ABCC11: variants seen among roughly 807,000 people sequenced by gnomAD.
ABCC11 encodes the protein ATP binding cassette subfamily C member 11.
In ABCC11, 135 loss-of-function variants were observed where a neutral mutation model predicts 149.3. The observed-to-expected ratio is 0.90, with a 90% CI of 0.79 to 1.04. The LOEUF (loss-of-function observed/expected upper bound fraction) is 1.04. Among genes scored for constraint, ABCC11 ranks in the 50% least tolerant of loss-of-function variants. ABCC11 has a pLI of 0.00. For synonymous variants in ABCC11, 665 were observed against 671.4 expected, an observed-to-expected ratio of 0.99 and a Z score of 0.15; for missense variants, 1,680 against 1,722.1, an observed-to-expected ratio of 0.98 and a Z score of 0.43.
intron 25 of ABCC11, 117 bp downstream of exon 25, chr16:48,176,807 C>T: frequency 4.1e-6 from 5 of 1,225,792 alleles, no homozygotes; most frequent in Non-Finnish European, 4.4e-6. Context: ...CCCAGCACAG[C>T]ATGAGGACCT....
intron 20 of ABCC11, 111 bp downstream of exon 20, chr16:48,192,409 A>C (rs1596715301): frequency 8.3e-7 from 1 of 1,207,516 alleles, no homozygotes. Context: ...GTGCCACTGC[A>C]CTCCAGCCTG....
intron 1 of ABCC11, among the ~76,000 whole-genome samples, chr16:48,243,401 C>CAA (rs541776018): frequency 1.9e-3 from 134 of 72,188 alleles, no homozygotes; most frequent in East Asian, 3.4e-3. Flanking sequence ...GACTCCGTCT[C>CAA]AAAAAAAAAA....
At position 48,166,441 on chromosome 16, in the gene ABCC11, G is replaced by C. The variant is rs1462850519; in HGVS notation, c.*833C>G. Among the ~76,000 whole-genome samples, 1 of 152,184 alleles carries C rather than the reference G, an allele frequency of 6.6e-6. No homozygotes were observed. The highest frequency in any genetic ancestry group is 1.5e-5 in the Non-Finnish European group (1 of 68,024). On this transcript the variant is annotated 3_prime_UTR_variant, in exon 30 of 30. Transcript: ENST00000356608. ...GAAGAGAAACAGAGACCTCAAAACA[G>C]GCATCCTTTCATTCCGGCACCCAAC...
chr16:48,169,622 T>C (rs113005252), intron 28 of ABCC11, among the ~76,000 whole-genome samples: 8 of 151,976 alleles, frequency 5.3e-5, no homozygotes, highest in African/African-American at 1.9e-4. Context: ...TGTAGGGACA[T>C]GGATGAAGCT....
chr16:48,188,623 C>T (rs919720060), intron 20 of ABCC11, among the ~76,000 whole-genome samples: 10 of 152,172 alleles, frequency 6.6e-5, no homozygotes, highest in Non-Finnish European at 1.2e-4. Flanking sequence ...GTTTGGTGTC[C>T]TTGTTTTGCA....
intron 22 of ABCC11, among the ~76,000 whole-genome samples, chr16:48,185,106 C>T (rs1966677755): frequency 6.6e-6 from 1 of 152,190 alleles, no homozygotes. Context: ...AAAACCGAGA[C>T]ACCCGGGGAA....
chr16:48,195,913 T>A (rs1210854239), intron 18 of ABCC11, among the ~76,000 whole-genome samples: 1 of 152,118 alleles, frequency 6.6e-6, no homozygotes, highest in Non-Finnish European at 1.5e-5. Context: ...ATGGGAGGAT[T>A]GCTTGAGGCC....
At chr16:48,214,730 G>A (rs1969197668) in intron 9 of ABCC11, 151 bp downstream of exon 9, 1 of 1,116,776 alleles carries the variant, frequency 9.0e-7, no homozygotes, top group South Asian at 1.6e-5. Context: ...TGAGATGGAA[G>A]ACAGCACTGT....
intron 28 of ABCC11, among the ~76,000 whole-genome samples, chr16:48,168,275 T>C (rs545055817): frequency 6.6e-6 from 1 of 151,160 alleles, no homozygotes; most frequent in South Asian, 2.1e-4. Context: ...GAGGAAGCCA[T>C]TGCAGCACCA....
intron 19 of ABCC11, 74 bp downstream of exon 19, chr16:48,193,805 T>C: frequency 8.1e-7 from 1 of 1,239,016 alleles, no homozygotes; most frequent in Non-Finnish European, 1.2e-6. Context: ...GCTCTTGTGG[T>C]CTCAAGGAGC....
At chr16:48,201,367 G>A (rs943916290) in intron 14 of ABCC11, among the ~76,000 whole-genome samples, 7 of 152,022 alleles carry the variant, frequency 4.6e-5, no homozygotes, top group South Asian at 2.1e-4. Flanking sequence ...TGCGACCTCC[G>A]CCTCTCAGTC....
chr16:48,212,881 C>G (rs549757732), intron 10 of ABCC11, among the ~76,000 whole-genome samples: 1 of 152,228 alleles, frequency 6.6e-6, no homozygotes, highest in African/African-American at 2.4e-5. Flanking sequence ...TGAAGTGGAC[C>G]ATTTTTAAGA....
At chr16:48,226,080 T>C (rs1970051391) in intron 4 of ABCC11, among the ~76,000 whole-genome samples, 1 of 151,830 alleles carries the variant, frequency 6.6e-6, no homozygotes, top group African/African-American at 2.4e-5. Flanking sequence ...TACATTATTA[T>C]TATTATTATT....
chr16:48,181,232 G>A (rs1966410860), intron 23 of ABCC11, among the ~76,000 whole-genome samples: 1 of 152,132 alleles, frequency 6.6e-6, no homozygotes, highest in African/African-American at 2.4e-5. Context: ...CGGAGGTTTG[G>A]GGGGCACTCT....
chr16:48,183,373 C>T (rs1320006393), intron 23 of ABCC11, among the ~76,000 whole-genome samples: 1 of 152,242 alleles, frequency 6.6e-6, no homozygotes, highest in Non-Finnish European at 1.5e-5. Context: ...ACATCTCTCC[C>T]CATCTCCCAG....
intron 14 of ABCC11, 118 bp from the exon 15 acceptor site, chr16:48,200,597 A>T (rs1967880689): frequency 2.0e-6 from 2 of 975,756 alleles, no homozygotes; most frequent in Admixed American, 2.9e-5. Flanking sequence ...ATATGCACAC[A>T]CTCCAGGATA....
chr16:48,207,871 G>A (rs1168903244), intron 12 of ABCC11, among the ~76,000 whole-genome samples: 1 of 151,830 alleles, frequency 6.6e-6, no homozygotes, highest in Non-Finnish European at 1.5e-5. Flanking sequence ...CACTGCCAGA[G>A]TACGAGTAAG....
chr16:48,227,364 C>T (rs1970139700), intron 4 of ABCC11, among the ~76,000 whole-genome samples: 1 of 151,462 alleles, frequency 6.6e-6, no homozygotes, highest in African/African-American at 2.4e-5. Context: ...ATTCCAGCTA[C>T]TTGGGAGGCT....
chr16:48,233,639 G>A (rs572944300), intron 1 of ABCC11, among the ~76,000 whole-genome samples: 1 of 152,318 alleles, frequency 6.6e-6, no homozygotes, highest in Admixed American at 6.5e-5. Flanking sequence ...ATGGGGCCAC[G>A]GTATATTGCT....
Sources: allele counts gnomAD v4.1 joint callset (sites outside exome capture counted in the v4.1 genomes callset), GRCh38; gene constraint gnomAD v4.1.1; transcripts MANE v1.5; gene names NCBI Gene and HGNC (gene_info 2026-07-23, HGNC 2026-07-21).